The following PDCD1LG2 variants were observed in gnomAD, a reference collection of about 807,000 sequenced individuals.
PDCD1LG2 encodes B7 dendritic cell molecule.
PDCD1LG2 carries 32 observed loss-of-function variants against 28.2 expected under a neutral mutation model. That is an observed-to-expected ratio of 1.13 (90% CI 0.86 to 1.52). The LOEUF is 1.52. Among genes scored for constraint, PDCD1LG2 ranks in the 40% most tolerant of loss-of-function variants. PDCD1LG2 has a pLI of 0.00. For missense variants in PDCD1LG2, 385 were observed against 323.8 expected (o/e 1.19, Z -1.45); for synonymous variants, 116 against 120.2 (o/e 0.97, Z 0.23).
At position 5,556,532 on chromosome 9, in the gene PDCD1LG2, T is replaced by C. The variant is rs111387274; in HGVS notation, c.632-1086T>C. On this transcript the variant is annotated intron_variant, in intron 4 of 6. Coordinates refer to ENST00000397747, the MANE Select transcript of PDCD1LG2 (RefSeq NM_025239.4). The stretch of plus-strand genomic sequence containing the variant: ...ATAGATTATTTAGCAACTCTGAGAC[T>C]TACTTCCTCAACTCTAAAATGAGGG... 3.1e-3 allele frequency among the ~76,000 whole-genome samples: 468 copies of C among 152,304 alleles called. 3 individuals carry two copies. Among genetic ancestry groups the C allele is most frequent in the African/African-American group, 0.01 (425 of 41,564 alleles).
At position 5,546,010 on chromosome 9, in the gene PDCD1LG2, C is replaced by T. The variant is rs565474568; in HGVS notation, c.362-3325C>T. On this transcript the variant is annotated intron_variant, in intron 3 of 6. Coordinates refer to ENST00000397747, the MANE Select transcript of PDCD1LG2 (RefSeq NM_025239.4). Reference sequence around the variant, plus strand: ...AGTCCAGCTTCCCCACTGTGGGAAGCGATTCCTTTTCCACCACCTTCCAAA... The same window carrying T: ...AGTCCAGCTTCCCCACTGTGGGAAGTGATTCCTTTTCCACCACCTTCCAAA... Among the ~76,000 whole-genome samples, 23 of 152,270 alleles carry T rather than the reference C, an allele frequency of 1.5e-4. No homozygotes were observed. In the South Asian group the frequency reaches 1.9e-3, roughly 12 times the overall value.
chr9:5,537,630 C>A lies in PDCD1LG2; in HGVS notation c.361+2580C>A, dbSNP rs531859725. 4.7e-4 allele frequency among the ~76,000 whole-genome samples: 72 copies of A among 152,094 alleles called. 1 individual carries two copies. The highest frequency in any genetic ancestry group is 1.7e-3 in the African/African-American group (72 of 41,484). On this transcript the variant is annotated intron_variant, in intron 3 of 6. Coordinates refer to ENST00000397747, the MANE Select transcript of PDCD1LG2 (RefSeq NM_025239.4). ...CATTCTCAGCAAACTATCCCAAGGA[C>A]AAAAAACCAAACACCGCATGTTCTC...
intron 3 of PDCD1LG2, 78 bp downstream of exon 3, chr9:5,535,128 G>A: frequency 7.5e-7 from 1 of 1,330,316 alleles, no homozygotes; most frequent in African/African-American, 1.5e-5. Flanking sequence ...ACCCATTAAA[G>A]GTAGCTCAAG....
chr9:5,551,695 G>A (rs1264870484), intron 4 of PDCD1LG2, among the ~76,000 whole-genome samples: 1 of 152,172 alleles, frequency 6.6e-6, no homozygotes, highest in Non-Finnish European at 1.5e-5. Flanking sequence ...AATTTGAGGT[G>A]AATTACTGAC....
chr9:5,525,392 A>G (rs1469908370), intron 2 of PDCD1LG2, among the ~76,000 whole-genome samples: 1 of 151,588 alleles, frequency 6.6e-6, no homozygotes, highest in Non-Finnish European at 1.5e-5. Context: ...ATTCTCAGTC[A>G]TTACAAATAA....
At chr9:5,533,350 C>T (rs1011741634) in intron 2 of PDCD1LG2, among the ~76,000 whole-genome samples, 1 of 152,092 alleles carries the variant, frequency 6.6e-6, no homozygotes, top group Non-Finnish European at 1.5e-5. Flanking sequence ...TTTTATAGAA[C>T]TATTTAGATC....
At chr9:5,565,327 G>A (rs1816643370) in intron 6 of PDCD1LG2, among the ~76,000 whole-genome samples, 1 of 152,110 alleles carries the variant, frequency 6.6e-6, no homozygotes, top group Non-Finnish European at 1.5e-5. Context: ...GACTACAGGT[G>A]CATGCCACCG....
intron 6 of PDCD1LG2, 71 bp downstream of exon 6, chr9:5,563,282 A>G: frequency 7.7e-7 from 1 of 1,294,298 alleles, no homozygotes; most frequent in Non-Finnish European, 1.1e-6. Context: ...TAAAGTAACC[A>G]CTGTTCTATT....
At position 5,535,043 on chromosome 9, in the gene PDCD1LG2, A is replaced by G; in HGVS notation, c.354A>G (p.Lys118=). 1 of 1,605,026 alleles carries G rather than the reference A, an allele frequency of 6.2e-7. No individual in the cohort carries two copies. The highest frequency in any genetic ancestry group is 8.5e-7 in the Non-Finnish European group (1 of 1,174,710). The change falls in exon 3 of 7, where the codon AAA becomes AAG. Residue 118 remains lysine, a synonymous_variant. Coordinates refer to ENST00000397747, the MANE Select transcript of PDCD1LG2 (RefSeq NM_025239.4). ...GGGACTACAAGTACCTGACTCTGAA[A>G]GTCAAAGGTGAGTGGTGTCAAGGAC... ...VAWDYKYLTL[K]VKASYRKINT... is the part of the protein sequence containing the mutation.
chr9:5,561,373 G>A (rs1816560117), intron 5 of PDCD1LG2, among the ~76,000 whole-genome samples: 1 of 152,188 alleles, frequency 6.6e-6, no homozygotes, highest in African/African-American at 2.4e-5. Flanking sequence ...TTGTGGCAAG[G>A]AGAAGTGTCT....
At chr9:5,556,898 C>G (rs1473014916) in intron 4 of PDCD1LG2, among the ~76,000 whole-genome samples, 1 of 152,204 alleles carries the variant, frequency 6.6e-6, no homozygotes, top group Non-Finnish European at 1.5e-5. Context: ...CTTTCCCCAG[C>G]CTCCAGAATT....
chr9:5,523,294 A>G (rs1409812881), intron 2 of PDCD1LG2, among the ~76,000 whole-genome samples: 1 of 152,172 alleles, frequency 6.6e-6, no homozygotes, highest in African/African-American at 2.4e-5. Context: ...TGAGTGCACT[A>G]TTTTGGATGA....
At chr9:5,563,994 G>A (rs1255036396) in intron 6 of PDCD1LG2, among the ~76,000 whole-genome samples, 5 of 152,116 alleles carry the variant, frequency 3.3e-5, no homozygotes, top group East Asian at 1.9e-4. Flanking sequence ...ATATAGACTA[G>A]CATTTGACTA....
chr9:5,568,255 A>T (rs772691596), intron 6 of PDCD1LG2, among the ~76,000 whole-genome samples: 2 of 152,208 alleles, frequency 1.3e-5, no homozygotes, highest in Non-Finnish European at 2.9e-5. Context: ...TCTGGGCCGC[A>T]GACCGGTACC....
chr9:5,565,590 A>G (rs1327574106), intron 6 of PDCD1LG2, among the ~76,000 whole-genome samples: 1 of 152,194 alleles, frequency 6.6e-6, no homozygotes, highest in Non-Finnish European at 1.5e-5. Flanking sequence ...TCTTAAGCAC[A>G]TGATTACAGC....
At chr9:5,519,211 C>T (rs1424403834) in intron 1 of PDCD1LG2, among the ~76,000 whole-genome samples, 1 of 152,068 alleles carries the variant, frequency 6.6e-6, no homozygotes, top group African/African-American at 2.4e-5. Flanking sequence ...AGGGGCTGTC[C>T]CTAGTCTTCT....
intron 5 of PDCD1LG2, among the ~76,000 whole-genome samples, chr9:5,561,263 C>G (rs988356940): frequency 6.6e-6 from 1 of 152,152 alleles, no homozygotes; most frequent in Non-Finnish European, 1.5e-5. Context: ...CTGTATTGGA[C>G]AGTACAGATA....
intron 1 of PDCD1LG2, among the ~76,000 whole-genome samples, chr9:5,513,106 A>T (rs1474085592): frequency 6.6e-6 from 1 of 151,958 alleles, no homozygotes; most frequent in East Asian, 1.9e-4. Flanking sequence ...TTTTTCAGAT[A>T]CTCCTTTGGT....
At chr9:5,519,185 G>A (rs1820226748) in intron 1 of PDCD1LG2, among the ~76,000 whole-genome samples, 1 of 152,006 alleles carries the variant, frequency 6.6e-6, no homozygotes, top group African/African-American at 2.4e-5. Flanking sequence ...AATAATTTCA[G>A]CAGGCTCTGG....
Sources: gnomAD v4.1 joint callset for allele counts (sites outside exome capture counted in the v4.1 genomes callset) on GRCh38, gnomAD v4.1.1 for gene constraint, MANE v1.5 for transcripts, NCBI Gene and HGNC (gene_info 2026-07-23, HGNC 2026-07-21) for gene names.